Variants in KSR2 observed in about 807,000 individuals in gnomAD.
The protein encoded by KSR2 is kinase suppressor of ras 2.
In KSR2, 25 loss-of-function variants were observed where a neutral mutation model predicts 107.8. The observed-to-expected ratio is 0.23, with a 90% CI of 0.17 to 0.32. The LOEUF (loss-of-function observed/expected upper bound fraction) is 0.32. KSR2 is among the 10% of genes least tolerant of loss of function. The pLI is 1.00. For synonymous variants in KSR2, 480 were observed against 507.0 expected (o/e 0.95, Z 0.71); for missense variants, 887 against 1,268.9 (o/e 0.70, Z 4.57).
intron 14 of KSR2, among the ~76,000 whole-genome samples, chr12:117,504,271 C>T (rs11615756): frequency 0.31 from 47,424 of 152,020 alleles, 8,798 homozygotes; most frequent in South Asian, 0.53. Flanking sequence ...AATCCTATTA[C>T]GAATATTTCC....
At chr12:117,528,056 T>C (rs571708131) in intron 12 of KSR2, among the ~76,000 whole-genome samples, 9 of 151,906 alleles carry the variant, frequency 5.9e-5, no homozygotes, top group Non-Finnish European at 1.2e-4. Flanking sequence ...ATGTTGGGTA[T>C]AGATGCTGGC....
intron 3 of KSR2, among the ~76,000 whole-genome samples, chr12:117,852,475 T>C (rs1305319792): frequency 1.3e-5 from 2 of 152,080 alleles, no homozygotes; most frequent in African/African-American, 2.4e-5. Context: ...AGAACTTTCA[T>C]GGTCTCGCAC....
chr12:117,533,971 C>A (rs1875847402), intron 10 of KSR2, among the ~76,000 whole-genome samples: 1 of 152,158 alleles, frequency 6.6e-6, no homozygotes, highest in Non-Finnish European at 1.5e-5. Flanking sequence ...ACCTGTTCTT[C>A]CTGCTGATGA....
chr12:117,711,861 G>C (rs12321247), intron 4 of KSR2, among the ~76,000 whole-genome samples: 2,038 of 152,312 alleles, frequency 0.013, 46 homozygotes, highest in African/African-American at 0.047. Context: ...CTCTGTGGTT[G>C]GGTTGTGCCA....
intron 4 of KSR2, among the ~76,000 whole-genome samples, chr12:117,725,074 TCTCTCTCTCTCA>T (rs1335377747): frequency 7.5e-6 from 1 of 133,048 alleles, no homozygotes; most frequent in Non-Finnish European, 1.7e-5. Flanking sequence ...CCTCTCTCTC[TCTCTCTCTCTCA>T]CACACACACA....
intron 3 of KSR2, among the ~76,000 whole-genome samples, chr12:117,776,964 C>T (rs536509347): frequency 5.5e-4 from 83 of 151,396 alleles, no homozygotes; most frequent in African/African-American, 1.9e-3. Flanking sequence ...TGAACCATTG[C>T]GACTAGGAGA....
chr12:117,815,306 A>G (rs1413438189), intron 3 of KSR2, among the ~76,000 whole-genome samples: 1 of 152,330 alleles, frequency 6.6e-6, no homozygotes, highest in East Asian at 1.9e-4. Flanking sequence ...ACAATTAGGG[A>G]TCATTACACA....
intron 1 of KSR2, among the ~76,000 whole-genome samples, chr12:117,869,784 G>A (rs1392148081): frequency 1.3e-5 from 2 of 152,168 alleles, no homozygotes; most frequent in African/African-American, 4.8e-5. Context: ...TGTCTGCTGG[G>A]ACGCCTTTGT....
chr12:117,639,520 G>A (rs903540291), intron 5 of KSR2, among the ~76,000 whole-genome samples: 14 of 150,656 alleles, frequency 9.3e-5, no homozygotes, highest in African/African-American at 3.4e-4. Context: ...AGTAGAGATG[G>A]GGTTTCACTA....
intron 4 of KSR2, among the ~76,000 whole-genome samples, chr12:117,714,856 C>T (rs7962293): frequency 0.39 from 59,701 of 151,926 alleles, 11,898 homozygotes; most frequent in Middle Eastern, 0.45. Context: ...GCCACCACCA[C>T]GAAAAATTAT....
chr12:117,524,316 T>C (rs541675870), intron 14 of KSR2, among the ~76,000 whole-genome samples: 2 of 152,354 alleles, frequency 1.3e-5, no homozygotes, highest in East Asian at 3.9e-4. Context: ...GACCCGATGT[T>C]TCTAATTCCC....
intron 1 of KSR2, among the ~76,000 whole-genome samples, chr12:117,869,137 C>T (rs1458595420): frequency 1.3e-5 from 2 of 151,774 alleles, no homozygotes; most frequent in East Asian, 2.0e-4. Flanking sequence ...TTTGGGAGGC[C>T]GAGGTGGGTG....
chr12:117,927,875 AGCGG>A (rs1895578052), intron 1 of KSR2, among the ~76,000 whole-genome samples: 1 of 152,164 alleles, frequency 6.6e-6, no homozygotes, highest in South Asian at 2.1e-4. Context: ...TTAAGTGTAC[AGCGG>A]AGTGGCCTCA....
intron 5 of KSR2, among the ~76,000 whole-genome samples, chr12:117,653,418 G>C (rs1883986168): frequency 6.6e-6 from 1 of 152,238 alleles, no homozygotes; most frequent in African/African-American, 2.4e-5. Flanking sequence ...CAGGGGTATA[G>C]AAACTCTCTG....
intron 4 of KSR2, among the ~76,000 whole-genome samples, chr12:117,748,280 G>A (rs7980913): frequency 0.23 from 35,306 of 152,042 alleles, 5,099 homozygotes; most frequent in African/African-American, 0.4. Context: ...TGGTTACCAG[G>A]AGCTGGCAGG....
At position 117,941,613 on chromosome 12, in the gene KSR2, C is replaced by CTTT. The variant is rs139487553; in HGVS notation, c.180+26460_180+26462dup. On this transcript the variant is annotated intron_variant, in intron 1 of 19. Coordinates refer to ENST00000339824, the MANE Select transcript of KSR2 (RefSeq NM_173598.6). ...TGAAGCTATAAAATCACAGGCTTTC[C>CTTT]TTTTTTTTTTTTTTTTTTTTTTTTT... 9.1e-4 allele frequency among the ~76,000 whole-genome samples: 48 copies of CTTT among 52,972 alleles called. 4 individuals are homozygous for CTTT. The highest frequency in any genetic ancestry group is 5.0e-3 in the East Asian group (7 of 1,398). 34.8% of individuals were successfully genotyped at this position (52,972 alleles called of 152,430 possible).
In KSR2 at chr12:117,455,030, C is replaced by CAGAGAGAGAGAGAGAGAG. The variant is rs1246200364; in HGVS notation, c.*12168_*12169insCTCTCTCTCTCTCTCTCT. On this transcript the variant is annotated 3_prime_UTR_variant, in exon 20 of 20. Transcript: ENST00000339824. ...AGACAGAGACAGACACAGAGACAGA[C>CAGAGAGAGAGAGAGAGAG]AGACAGAGAGAGAGAGAGAGAGAGA... 210 of 120,074 alleles carry CAGAGAGAGAGAGAGAGAG rather than the reference C, an allele frequency of 1.7e-3. 4 individuals are homozygous for CAGAGAGAGAGAGAGAGAG. The highest frequency in any genetic ancestry group is 4.0e-3 in the Middle Eastern group (1 of 250). The allele number at this position is 120,074 out of a possible 1,614,324, so 7.4% of individuals were successfully genotyped here. A position where few individuals can be genotyped will look rare whatever the true frequency, so the allele number is the denominator to read the frequency against.
intron 4 of KSR2, among the ~76,000 whole-genome samples, chr12:117,705,782 C>T (rs989323105): frequency 1.3e-5 from 2 of 152,164 alleles, no homozygotes; most frequent in Non-Finnish European, 2.9e-5. Flanking sequence ...TGGGAATGCT[C>T]CCCTCTTTGG....
intron 8 of KSR2, among the ~76,000 whole-genome samples, chr12:117,558,249 AG>A (rs993611329): frequency 6.6e-6 from 1 of 152,196 alleles, no homozygotes; most frequent in African/African-American, 2.4e-5. Flanking sequence ...ATGAGAGAGC[AG>A]GGGTTAAGTG....
Sources: allele counts gnomAD v4.1 joint callset (sites outside exome capture counted in the v4.1 genomes callset), GRCh38; gene constraint gnomAD v4.1.1; transcripts MANE v1.5; gene names NCBI Gene and HGNC (gene_info 2026-07-23, HGNC 2026-07-21).